TLN2: variants seen among roughly 807,000 people sequenced by gnomAD.
TLN2 encodes the protein talin 2.
A neutral mutation model predicts 294.7 loss-of-function variants in TLN2; 118 were observed. That is an observed-to-expected ratio of 0.40 (90% CI 0.34 to 0.47). The LOEUF (loss-of-function observed/expected upper bound fraction) is 0.47. Ranked by LOEUF, TLN2 falls within the 20% of genes least tolerant of loss-of-function variation. The pLI is 0.84. For missense variants in TLN2, 3,083 were observed against 3,282.2 expected, an observed-to-expected ratio of 0.94 and a Z score of 1.48; for synonymous variants, 1,431 against 1,304.5, an observed-to-expected ratio of 1.10 and a Z score of -2.09.
At chr15:62,680,957 A>G (rs1015410874) in intron 11 of TLN2, among the ~76,000 whole-genome samples, 5 of 152,050 alleles carry the variant, frequency 3.3e-5, no homozygotes, top group African/African-American at 9.7e-5. Flanking sequence ...TATATGCCAC[A>G]TTTTCTCTAT....
intron 26 of TLN2, among the ~76,000 whole-genome samples, 172 bp from the exon 27 acceptor site, chr15:62,724,802 TTC>T (rs2060347799): frequency 2.0e-5 from 3 of 152,118 alleles, no homozygotes; most frequent in African/African-American, 7.2e-5. Flanking sequence ...AAGAGTAAGG[TTC>T]TAACTGAGGA....
At chr15:62,636,449 A>T (rs543700708) in intron 3 of TLN2, among the ~76,000 whole-genome samples, 1 of 152,344 alleles carries the variant, frequency 6.6e-6, no homozygotes, top group South Asian at 2.1e-4. Flanking sequence ...TGGAAAGTTT[A>T]GTCAGGTTTC....
At chr15:62,515,132 T>C (rs2040122876) in intron 1 of TLN2, among the ~76,000 whole-genome samples, 1 of 152,232 alleles carries the variant, frequency 6.6e-6, no homozygotes, top group African/African-American at 2.4e-5. Context: ...TCTGTTTCTC[T>C]GATTTTTTTC....
At chr15:62,785,650 C>CAAAAAA (rs10681127) in intron 45 of TLN2, among the ~76,000 whole-genome samples, 44 of 120,186 alleles carry the variant, frequency 3.7e-4, no homozygotes, top group African/African-American at 1.4e-3. Context: ...GACTCCATCT[C>CAAAAAA]AAAAAAAAAA....
chr15:62,541,598 G>A (rs1389486778), intron 1 of TLN2, among the ~76,000 whole-genome samples: 1 of 151,638 alleles, frequency 6.6e-6, no homozygotes, highest in Non-Finnish European at 1.5e-5. Flanking sequence ...GCTCAGGGGT[G>A]TGTGTGTGTG....
chr15:62,725,825 G>A (rs1222143053), intron 27 of TLN2, among the ~76,000 whole-genome samples: 1 of 152,182 alleles, frequency 6.6e-6, no homozygotes, highest in Admixed American at 6.5e-5. Context: ...TTTGAATTCA[G>A]ATTTGCAGGA....
intron 12 of TLN2, chr15:62,687,884 T>G (rs1040551824): frequency 2.0e-5 from 3 of 152,250 alleles, no homozygotes; most frequent in Admixed American, 2.0e-4. Flanking sequence ...TGTTCATACT[T>G]AGCTGTGTCC....
At chr15:62,697,925 G>T (rs1395505816) in intron 15 of TLN2, 57 bp downstream of exon 15, 16 of 1,574,376 alleles carry the variant, frequency 1.0e-5, no homozygotes, top group Middle Eastern at 2.2e-4. Context: ...CGCATGCAGG[G>T]TGGACACCAG....
intron 11 of TLN2, among the ~76,000 whole-genome samples, chr15:62,679,371 A>G (rs2056580667): frequency 6.6e-6 from 1 of 152,246 alleles, no homozygotes; most frequent in Admixed American, 6.5e-5. Context: ...AACACAACGC[A>G]TCACCTGATG....
intron 54 of TLN2, chr15:62,828,375 A>AAGAAC (rs1443112060): frequency 2.6e-5 from 4 of 152,264 alleles, no homozygotes; most frequent in African/African-American, 4.8e-5. Context: ...GAAGGGGGAA[A>AAGAAC]AGAACAGTAT....
intron 1 of TLN2, among the ~76,000 whole-genome samples, chr15:62,547,803 C>T (rs941686909): frequency 6.6e-6 from 1 of 152,150 alleles, no homozygotes; most frequent in Non-Finnish European, 1.5e-5. Context: ...GCTGTTACTG[C>T]CAGTCTGGTT....
At chr15:62,757,770 G>A (rs187730395) in intron 37 of TLN2, among the ~76,000 whole-genome samples, 8 of 152,218 alleles carry the variant, frequency 5.3e-5, no homozygotes, top group African/African-American at 1.9e-4. Flanking sequence ...GCGCACCCTG[G>A]GAACGAGGAG....
chr15:62,454,590 AGTG>A (rs2036354260), intron 1 of TLN2, among the ~76,000 whole-genome samples: 1 of 152,100 alleles, frequency 6.6e-6, no homozygotes, highest in Admixed American at 6.5e-5. Flanking sequence ...TGTATCAAGA[AGTG>A]GGGTACAGCA....
At chr15:62,644,657 C>T (rs575904710) in intron 3 of TLN2, 62 of 453,704 alleles carry the variant, frequency 1.4e-4, no homozygotes, top group Non-Finnish European at 2.5e-4. Context: ...CAGCCCCAGG[C>T]GTCTTGCTGT....
At chr15:62,799,141 G>T (rs1327286254) in intron 48 of TLN2, among the ~76,000 whole-genome samples, 1 of 152,182 alleles carries the variant, frequency 6.6e-6, no homozygotes, top group Non-Finnish European at 1.5e-5. Flanking sequence ...CAGGCATGGC[G>T]CAGTGTGGAG....
At chr15:62,615,552 T>G (rs2048247528) in intron 2 of TLN2, among the ~76,000 whole-genome samples, 1 of 152,238 alleles carries the variant, frequency 6.6e-6, no homozygotes, top group African/African-American at 2.4e-5. Context: ...AGAAACCATT[T>G]GTAAAGCCAG....
At chr15:62,553,871 T>A (rs2042458659) in intron 1 of TLN2, among the ~76,000 whole-genome samples, 1 of 152,184 alleles carries the variant, frequency 6.6e-6, no homozygotes, top group African/African-American at 2.4e-5. Context: ...GATGCTTCTG[T>A]TTAATAGCTG....
intron 16 of TLN2, among the ~76,000 whole-genome samples, chr15:62,699,284 C>A (rs576617842): frequency 1.3e-5 from 2 of 152,288 alleles, no homozygotes; most frequent in South Asian, 4.2e-4. Context: ...TAAGCATTAG[C>A]TGTTTGTTAG....
At chr15:62,624,431 G>C (rs67825363) in intron 3 of TLN2, among the ~76,000 whole-genome samples, 2 of 152,180 alleles carry the variant, frequency 1.3e-5, no homozygotes, top group East Asian at 3.9e-4. Flanking sequence ...TTCTGTCCCT[G>C]GGAAGCCTTG....
Sources: allele counts gnomAD v4.1 joint callset (sites outside exome capture counted in the v4.1 genomes callset), GRCh38; gene constraint gnomAD v4.1.1; transcripts MANE v1.5; gene names NCBI Gene and HGNC (gene_info 2026-07-23, HGNC 2026-07-21).